The following HIGD1C variants were observed in gnomAD, a reference collection of about 807,000 sequenced individuals.
HIGD1C encodes HIG1 domain family member 1C.
HIGD1C carries 11 observed loss-of-function variants against 13.1 expected under a neutral mutation model. The observed-to-expected ratio is 0.84, with a 90% CI of 0.53 to 1.39. The LOEUF (loss-of-function observed/expected upper bound fraction) is 1.39. Ranked by LOEUF, HIGD1C falls within the 40% of genes most tolerant of loss-of-function variation. The pLI, the probability that HIGD1C is intolerant of heterozygous loss-of-function variation, is 0.00. For missense variants in HIGD1C, 110 were observed against 112.0 expected (o/e 0.98, Z 0.08); for synonymous variants, 36 against 37.7 (o/e 0.95, Z 0.17).
At chr12:50,956,536 A>G (rs920339670) in intron 1 of HIGD1C, among the ~76,000 whole-genome samples, 1 of 152,208 alleles carries the variant, frequency 6.6e-6, no homozygotes, top group African/African-American at 2.4e-5. Context: ...ATCTTAAGCA[A>G]CTTCCATCAT....
intron 1 of HIGD1C, 128 bp from the exon 4 acceptor site, chr12:50,960,840 G>A (rs1319914290): frequency 2.7e-6 from 2 of 730,414 alleles, no homozygotes; most frequent in Non-Finnish European, 4.3e-6. Context: ...GTATCACCAT[G>A]TGTGGCTAAT....
At chr12:50,957,042 T>C (rs1188704503) in intron 1 of HIGD1C, among the ~76,000 whole-genome samples, 3 of 152,072 alleles carry the variant, frequency 2.0e-5, no homozygotes, top group Non-Finnish European at 2.9e-5. Context: ...TTTTTATTTA[T>C]TGTGGATCAG....
chr12:50,946,399 C>T, the HIGD1C span, among the ~76,000 whole-genome samples: 2 of 152,152 alleles, frequency 1.3e-5, no homozygotes, highest in East Asian at 3.8e-4. Flanking sequence ...AATCAAACAA[C>T]CCCATCAACA....
intron 1 of HIGD1C, among the ~76,000 whole-genome samples, chr12:50,960,008 A>T (rs1478785645): frequency 6.6e-6 from 1 of 152,142 alleles, no homozygotes; most frequent in Non-Finnish European, 1.5e-5. Context: ...AGTGTTTTAA[A>T]TCTTTTTCTA....
the HIGD1C span, among the ~76,000 whole-genome samples, chr12:50,940,710 G>A: frequency 7.1e-6 from 1 of 140,090 alleles, no homozygotes; most frequent in Non-Finnish European, 1.5e-5. Context: ...GCGACAGAGT[G>A]AGACCCCATC....
intron 2 of HIGD1C, among the ~76,000 whole-genome samples, chr12:50,968,588 T>C (rs1024293984): frequency 2.6e-5 from 4 of 152,050 alleles, no homozygotes; most frequent in African/African-American, 9.7e-5. Flanking sequence ...CTCACTCTGT[T>C]GCCCAGGCTG....
upstream of HIGD1C, among the ~76,000 whole-genome samples, chr12:50,950,193 C>A (rs17125116): frequency 6.6e-6 from 1 of 151,882 alleles, no homozygotes; most frequent in African/African-American, 2.4e-5. Context: ...GATGGGCCAG[C>A]GTCTTCAAGG....
the HIGD1C span, among the ~76,000 whole-genome samples, chr12:50,936,535 T>G: frequency 1.3e-5 from 2 of 152,006 alleles, no homozygotes; most frequent in African/African-American, 2.4e-5. Flanking sequence ...ATGAAGTGAG[T>G]GTCCACACCA....
chr12:50,947,943 C>T, the HIGD1C span, among the ~76,000 whole-genome samples: 17 of 152,202 alleles, frequency 1.1e-4, no homozygotes, highest in East Asian at 1.5e-3. Flanking sequence ...AGTGAGACTC[C>T]GTCTCAAATA....
chr12:50,932,043 G>A, the HIGD1C span: 1 of 152,088 alleles, frequency 6.6e-6, no homozygotes, highest in Non-Finnish European at 1.5e-5. Context: ...CAAGTCTTAA[G>A]ATAAAGATTG....
chr12:50,956,609 A>C (rs980919930), intron 1 of HIGD1C, among the ~76,000 whole-genome samples: 4 of 152,130 alleles, frequency 2.6e-5, no homozygotes, highest in Non-Finnish European at 5.9e-5. Context: ...TGCATGCATT[A>C]TATCTATTTA....
chr12:50,962,423 G>A (rs576072417), intron 2 of HIGD1C, among the ~76,000 whole-genome samples: 1 of 151,348 alleles, frequency 6.6e-6, no homozygotes, highest in African/African-American at 2.4e-5. Flanking sequence ...AAAAAAGCCA[G>A]GCACGGTGGC....
downstream of HIGD1C, among the ~76,000 whole-genome samples, chr12:50,971,489 A>G (rs1186766281): frequency 6.6e-6 from 1 of 152,244 alleles, no homozygotes; most frequent in Non-Finnish European, 1.5e-5. Context: ...CTGAGATGGC[A>G]AAAAGGATTT....
At chr12:50,943,917 A>T in the HIGD1C span, among the ~76,000 whole-genome samples, 2 of 152,128 alleles carry the variant, frequency 1.3e-5, no homozygotes, top group Non-Finnish European at 2.9e-5. Flanking sequence ...TAAATGTACA[A>T]ATAATACCAG....
At chr12:50,945,852 A>G in the HIGD1C span, among the ~76,000 whole-genome samples, 1 of 152,312 alleles carries the variant, frequency 6.6e-6, no homozygotes, top group East Asian at 1.9e-4. Context: ...TACAGTAACC[A>G]AAACAGCATG....
chr12:50,944,653 G>C, the HIGD1C span, among the ~76,000 whole-genome samples: 2 of 152,328 alleles, frequency 1.3e-5, no homozygotes, highest in African/African-American at 4.8e-5. Context: ...TTGGGAAGCT[G>C]AGACAGGTGG....
At chr12:50,958,739 G>A (rs996087390) in intron 1 of HIGD1C, among the ~76,000 whole-genome samples, 15 of 151,920 alleles carry the variant, frequency 9.9e-5, no homozygotes, top group South Asian at 2.1e-4. Flanking sequence ...AAAATAGGCC[G>A]GGCACAGTGG....
chr12:50,943,221 C>T, the HIGD1C span, among the ~76,000 whole-genome samples: 1 of 152,056 alleles, frequency 6.6e-6, no homozygotes, highest in Admixed American at 6.5e-5. Flanking sequence ...TGATCTGGCC[C>T]TGTTGGTCCT....
chr12:50,971,184 A>C (rs889617413), downstream of HIGD1C, among the ~76,000 whole-genome samples: 1 of 147,446 alleles, frequency 6.8e-6, no homozygotes, highest in Non-Finnish European at 1.5e-5. Flanking sequence ...CGAGCCACAG[A>C]CTTTTTATAT....
Sources: allele counts gnomAD v4.1 joint callset (sites outside exome capture counted in the v4.1 genomes callset), GRCh38; gene constraint gnomAD v4.1.1; transcripts MANE v1.5; gene names NCBI Gene and HGNC (gene_info 2026-07-23, HGNC 2026-07-21).